Variants in DCBLD1 observed in about 807,000 individuals in gnomAD.
The protein encoded by DCBLD1 is discoidin, CUB and LCCL domain-containing protein 1.
Under a neutral mutation model 71.5 loss-of-function variants are expected in DCBLD1, and 57 were observed. The observed-to-expected ratio is 0.80, with a 90% CI of 0.64 to 0.99. DCBLD1 has a LOEUF of 0.99. Among genes scored for constraint, DCBLD1 ranks in the 50% least tolerant of loss-of-function variants. DCBLD1 has a pLI of 0.00. For synonymous variants in DCBLD1, 380 were observed against 363.8 expected, an observed-to-expected ratio of 1.04 and a Z score of -0.51; for missense variants, 891 against 923.5, an observed-to-expected ratio of 0.96 and a Z score of 0.46.
At chr6:117,490,007 A>G (rs79161840) in intron 1 of DCBLD1, among the ~76,000 whole-genome samples, 4,657 of 152,322 alleles carry the variant, frequency 0.031, 85 homozygotes, top group Non-Finnish European at 0.038. Context: ...CATAAATAAC[A>G]TTGTCCTGAT....
At chr6:117,566,913 C>G in intron 14 of DCBLD1, 1 of 1,610,570 alleles carries the variant, frequency 6.2e-7, no homozygotes, top group Admixed American at 1.7e-5. Flanking sequence ...GTTACCACCT[C>G]CTTCTAACTC....
At chr6:117,504,874 G>A (rs1332933739) in intron 2 of DCBLD1, among the ~76,000 whole-genome samples, 1 of 152,106 alleles carries the variant, frequency 6.6e-6, no homozygotes, top group Admixed American at 6.5e-5. Flanking sequence ...AAATGATATA[G>A]GTTTTAGGTA....
chr6:117,528,131 G>A (rs1157031412), intron 5 of DCBLD1, among the ~76,000 whole-genome samples: 1 of 152,146 alleles, frequency 6.6e-6, no homozygotes, highest in Non-Finnish European at 1.5e-5. Context: ...GAGAAACTGG[G>A]CCTCTTGTAC....
intron 6 of DCBLD1, among the ~76,000 whole-genome samples, chr6:117,536,097 G>T (rs1471782491): frequency 6.6e-6 from 1 of 152,202 alleles, no homozygotes; most frequent in Non-Finnish European, 1.5e-5. Context: ...AAGAGCTTTT[G>T]ATGGGAAGGT....
rs1371776660 is a variant in DCBLD1, at chr6:117,539,363, T to C, written c.1085T>C (p.Val362Ala). Residue 362 changes from valine to alanine, a missense_variant, in exon 9 of 15, where the codon GTG becomes GCG. Val to Ala is a moderately conservative substitution (Grantham distance 64). Transcript: ENST00000338728. ...NSKWKTYKGI[V>A]NNEEKVFQGN... ...AAGTGGAAGACCTATAAAGGAATTG[T>C]GAATAATGAAGAAAAGGTAAGAGGT... The C allele has an allele frequency of 3.1e-6, 5 of 1,603,290 alleles. No homozygotes were observed. Among genetic ancestry groups the C allele is most frequent in the Non-Finnish European group, 4.2e-6 (5 of 1,177,676 alleles).
At chr6:117,553,224 T>A (rs1779453930), downstream of DCBLD1, among the ~76,000 whole-genome samples, 1 of 152,160 alleles carries the variant, frequency 6.6e-6, no homozygotes, top group Admixed American at 6.5e-5. Flanking sequence ...CTTTTCACAC[T>A]CTCCCTTACT....
chr6:117,536,990 C>T (rs1484803976), intron 6 of DCBLD1, among the ~76,000 whole-genome samples, 195 bp from the exon 7 acceptor site: 1 of 152,110 alleles, frequency 6.6e-6, no homozygotes, highest in Non-Finnish European at 1.5e-5. Context: ...AGTTGCTTAC[C>T]TTCCGTGGGC....
intron 14 of DCBLD1, chr6:117,563,339 A>G: frequency 6.2e-7 from 1 of 1,613,468 alleles, no homozygotes; most frequent in Non-Finnish European, 8.5e-7. Flanking sequence ...TGCAGTGCCC[A>G]GGTCTCCATT....
chr6:117,484,797 C>A (rs1039028274), intron 1 of DCBLD1, among the ~76,000 whole-genome samples: 1 of 152,184 alleles, frequency 6.6e-6, no homozygotes, highest in Non-Finnish European at 1.5e-5. Flanking sequence ...TGTTTATAAG[C>A]CTAATCAATA....
At chr6:117,563,263 T>A in intron 14 of DCBLD1, 1 of 1,612,660 alleles carries the variant, frequency 6.2e-7, no homozygotes, top group Non-Finnish European at 8.5e-7. Context: ...TTTAATAAGA[T>A]TTTTTATGAT....
At chr6:117,554,367 A>G (rs942777013), downstream of DCBLD1, among the ~76,000 whole-genome samples, 3 of 152,232 alleles carry the variant, frequency 2.0e-5, no homozygotes, top group Non-Finnish European at 4.4e-5. Context: ...ATGTTAAGAA[A>G]GCATCTATTT....
chr6:117,565,438 ACT>A (rs1446589451), intron 14 of DCBLD1, among the ~76,000 whole-genome samples: 1 of 152,152 alleles, frequency 6.6e-6, no homozygotes, highest in Non-Finnish European at 1.5e-5. Flanking sequence ...AACTTTTCAC[ACT>A]CTGTTATATT....
At chr6:117,540,116 T>A (rs1185616251) in intron 9 of DCBLD1, 2 of 152,460 alleles carry the variant, frequency 1.3e-5, no homozygotes, top group African/African-American at 4.8e-5. Flanking sequence ...TTTCTTGGCA[T>A]CCAAATCCAA....
Position 117,525,390 on chromosome 6 carries a change from G to A in DCBLD1, c.541G>A (p.Val181Ile), listed in dbSNP as rs774801446. Residue 181 changes from valine (V) to isoleucine (I), a missense_variant, in exon 5 of 15, where the codon GTA becomes ATA. Physicochemically the swap from Val to Ile is conservative, Grantham distance 29 (BLOSUM62 3). Coordinates refer to ENST00000338728, the MANE Select transcript of DCBLD1 (RefSeq NM_001366458.2). ...SKFCPAGCRDVAGDISGNMVD... is the reference protein window; with the variant it reads ...SKFCPAGCRDIAGDISGNMVD... The stretch of plus-strand genomic sequence containing the variant: ...ATTCTGCCCAGCTGGTTGTAGAGAC[G>A]TAGCAGGAGACATTTCTGGGAATAT... 6.0e-6 allele frequency: 9 copies of A among 1,508,224 alleles called. No individual in the cohort carries two copies. The highest frequency in any genetic ancestry group is 2.8e-5 in the African/African-American group (2 of 70,674). 93.4% of individuals were successfully genotyped at this position (1,508,224 alleles called of 1,614,324 possible). A position where few individuals can be genotyped will look rare whatever the true frequency, so the allele number is the denominator to read the frequency against.
At chr6:117,489,606 C>T (rs1017385945) in intron 1 of DCBLD1, among the ~76,000 whole-genome samples, 7 of 152,088 alleles carry the variant, frequency 4.6e-5, no homozygotes, top group African/African-American at 1.4e-4. Context: ...AAAAAGAGGC[C>T]GGGCGCCGTG....
intron 6 of DCBLD1, among the ~76,000 whole-genome samples, chr6:117,534,262 A>G (rs955060614): frequency 6.6e-6 from 1 of 152,228 alleles, no homozygotes; most frequent in Non-Finnish European, 1.5e-5. Flanking sequence ...ATACACACAC[A>G]TATATATAAC....
intron 7 of DCBLD1, 44 bp from the exon 8 acceptor site, chr6:117,538,576 T>C: frequency 6.3e-7 from 1 of 1,586,632 alleles, no homozygotes; most frequent in Non-Finnish European, 8.6e-7. Flanking sequence ...TTTGCTGTTA[T>C]TTTATGTCTG....
At chr6:117,535,760 A>T (rs1778862737) in intron 6 of DCBLD1, among the ~76,000 whole-genome samples, 1 of 152,218 alleles carries the variant, frequency 6.6e-6, no homozygotes. Context: ...GTAACAGCGT[A>T]GGAACGTTAG....
At chr6:117,568,793 A>G (rs181515239) in intron 14 of DCBLD1, among the ~76,000 whole-genome samples, 120 of 152,302 alleles carry the variant, frequency 7.9e-4, no homozygotes, top group African/African-American at 2.8e-3. Flanking sequence ...TCTTCCCTGT[A>G]ATGTAATTAT....
Sources: allele counts gnomAD v4.1 joint callset (sites outside exome capture counted in the v4.1 genomes callset), GRCh38; gene constraint gnomAD v4.1.1; transcripts MANE v1.5; gene names NCBI Gene and HGNC (gene_info 2026-07-23, HGNC 2026-07-21).